The following GCNT2 variants were observed in gnomAD, a reference collection of about 807,000 sequenced individuals.
The protein encoded by GCNT2 is N-acetyllactosaminide beta-1,6-N-acetylglucosaminyl-transferase.
GCNT2 carries 34 observed loss-of-function variants against 34.2 expected under a neutral mutation model. The ratio of observed to expected loss-of-function variants is 1.00; its 90% CI spans 0.76 to 1.32. GCNT2 has a LOEUF of 1.32. Among genes scored for constraint, GCNT2 ranks in the 40% most tolerant of loss-of-function variants. GCNT2 has a pLI of 0.00. For synonymous variants in GCNT2, 212 were observed against 188.0 expected, an observed-to-expected ratio of 1.13 and a Z score of -1.04; for missense variants, 584 against 489.4, an observed-to-expected ratio of 1.19 and a Z score of -1.82.
rs753031752 is a variant in GCNT2, at chr6:10,598,025, CTGTT to C, written c.926-23323_926-23320del. ...AATTTTAACCTTTGTCTGTAGATAACTGTTTGGCCTTGGGCATGTCACTTAACCT... is the reference window on the plus strand; with the variant it reads ...AATTTTAACCTTTGTCTGTAGATAACTGGCCTTGGGCATGTCACTTAACCT... On this transcript the variant is annotated intron_variant, in intron 3 of 4. Coordinates refer to ENST00000495262, the MANE Select transcript of GCNT2 (RefSeq NM_145649.5). Among the ~76,000 whole-genome samples, 28 of 152,294 alleles carry C rather than the reference CTGTT, an allele frequency of 1.8e-4. No individual in the cohort carries two copies. In the East Asian group the frequency reaches 2.5e-3, roughly 14 times the overall value.
intron 3 of GCNT2, among the ~76,000 whole-genome samples, chr6:10,604,263 T>C (rs577881009): frequency 1.3e-5 from 2 of 152,322 alleles, no homozygotes; most frequent in South Asian, 4.1e-4. Flanking sequence ...ATTTGATCTT[T>C]GTTTTTTGTA....
intron 3 of GCNT2, among the ~76,000 whole-genome samples, chr6:10,587,319 A>G (rs967093632): frequency 6.6e-6 from 1 of 152,236 alleles, no homozygotes; most frequent in Non-Finnish European, 1.5e-5. Flanking sequence ...ATGCAGTCTC[A>G]TTGCTCAAAG....
At chr6:10,545,384 T>A (rs1261413819) in intron 3 of GCNT2, among the ~76,000 whole-genome samples, 4 of 152,216 alleles carry the variant, frequency 2.6e-5, no homozygotes, top group Non-Finnish European at 5.9e-5. Context: ...TCAAGCCAGC[T>A]CAAACTTCCT....
At chr6:10,562,048 A>T (rs1763009037) in intron 3 of GCNT2, among the ~76,000 whole-genome samples, 3 of 152,130 alleles carry the variant, frequency 2.0e-5, no homozygotes, top group Non-Finnish European at 4.4e-5. Context: ...CAAGCACCAG[A>T]AGTTACCGGG....
At chr6:10,610,208 C>T (rs1232073766) in intron 3 of GCNT2, among the ~76,000 whole-genome samples, 4 of 152,122 alleles carry the variant, frequency 2.6e-5, no homozygotes, top group African/African-American at 2.4e-5. Context: ...AATCCATTGG[C>T]GACTCCTGTA....
intron 3 of GCNT2, among the ~76,000 whole-genome samples, chr6:10,596,465 G>A (rs1270016656): frequency 6.6e-6 from 1 of 151,942 alleles, no homozygotes; most frequent in East Asian, 1.9e-4. Flanking sequence ...AGGTTGCAGT[G>A]AGCTGAGATT....
chr6:10,570,594 C>T (rs376744203), intron 3 of GCNT2, among the ~76,000 whole-genome samples: 219 of 152,334 alleles, frequency 1.4e-3, no homozygotes, highest in African/African-American at 4.9e-3. Context: ...CTAGCCATCT[C>T]CTTCCTTAGA....
At chr6:10,549,080 G>C (rs1034186806) in intron 3 of GCNT2, among the ~76,000 whole-genome samples, 2 of 152,174 alleles carry the variant, frequency 1.3e-5, no homozygotes, top group Non-Finnish European at 2.9e-5. Flanking sequence ...GGTTGTCAGA[G>C]GTTGAGGGAG....
chr6:10,571,534 G>T (rs1391605785), intron 3 of GCNT2, among the ~76,000 whole-genome samples: 1 of 151,978 alleles, frequency 6.6e-6, no homozygotes, highest in Non-Finnish European at 1.5e-5. Context: ...TGTATTTTTA[G>T]TAGAGATGGG....
At position 10,537,721 on chromosome 6, in the gene GCNT2, A is replaced by C. The variant is rs1243988358; in HGVS notation, c.925+7885A>C. On this transcript the variant is annotated intron_variant, in intron 3 of 4. Transcript: ENST00000495262. ...CGCAAAAAAAAAAAAAAAAAAAAAA[A>C]AAAAACAAAACAAAGAAAACGAAAG... Among the ~76,000 whole-genome samples the C allele has an allele frequency of 5.5e-5, 8 of 146,128 alleles. No homozygotes were observed. In the East Asian group the frequency reaches 1.2e-3, roughly 22 times the overall value.
chr6:10,622,433 C>T (rs1030130851), intron 4 of GCNT2, among the ~76,000 whole-genome samples: 1 of 151,894 alleles, frequency 6.6e-6, no homozygotes, highest in Admixed American at 6.6e-5. Flanking sequence ...ATGGTCTTCC[C>T]TCTGTGCGTG....
At position 10,625,141 on chromosome 6, in the gene GCNT2, C is replaced by T. The variant is rs147441792; in HGVS notation, c.1019-1276C>T. 3.9e-5 allele frequency among the ~76,000 whole-genome samples: 6 copies of T among 152,254 alleles called. No homozygotes were observed. In the East Asian group the frequency reaches 1.2e-3, roughly 29 times the overall value. Reference sequence around the variant, plus strand: ...GAATTAATCACCATGTTCTATCTGTCCTTCTGTACTAGTGTCTTCAACATC... The same window carrying T: ...GAATTAATCACCATGTTCTATCTGTTCTTCTGTACTAGTGTCTTCAACATC... On this transcript the variant is annotated intron_variant, in intron 4 of 4. Transcript: ENST00000495262.
chr6:10,610,858 G>A (rs1040633438), intron 3 of GCNT2, among the ~76,000 whole-genome samples: 2 of 152,088 alleles, frequency 1.3e-5, no homozygotes, highest in South Asian at 4.2e-4. Flanking sequence ...GGTAACGAGG[G>A]GGAGGCATTA....
chr6:10,609,622 G>A (rs529604406), intron 3 of GCNT2, among the ~76,000 whole-genome samples: 1 of 152,322 alleles, frequency 6.6e-6, no homozygotes, highest in African/African-American at 2.4e-5. Flanking sequence ...TGGCCGGAAT[G>A]TGATCTATAG....
chr6:10,620,165 T>G (rs910053923), intron 3 of GCNT2, among the ~76,000 whole-genome samples: 2 of 152,186 alleles, frequency 1.3e-5, no homozygotes, highest in Non-Finnish European at 1.5e-5. Flanking sequence ...ATGTGTGTGT[T>G]TGAGGGAGTG....
At chr6:10,585,710 T>C in intron 3 of GCNT2, 1 of 1,253,592 alleles carries the variant, frequency 8.0e-7, no homozygotes, top group South Asian at 1.7e-5. Context: ...TGGACTGGGC[T>C]GGGCTTAGCT....
intron 3 of GCNT2, among the ~76,000 whole-genome samples, chr6:10,603,954 G>A (rs1055597109): frequency 6.6e-6 from 1 of 150,970 alleles, no homozygotes; most frequent in African/African-American, 2.4e-5. Context: ...GGAGTGCAGT[G>A]GTGCAATCTT....
intron 4 of GCNT2, among the ~76,000 whole-genome samples, chr6:10,624,516 CA>C (rs1455509093): frequency 6.6e-6 from 1 of 152,208 alleles, no homozygotes; most frequent in Non-Finnish European, 1.5e-5. Flanking sequence ...ATCCCTCCCA[CA>C]ACACATGGGA....
chr6:10,590,407 A>G (rs1295079281), intron 3 of GCNT2, among the ~76,000 whole-genome samples: 30 of 151,600 alleles, frequency 2.0e-4, no homozygotes, highest in Admixed American at 2.0e-3. Context: ...CAAAAAAAAA[A>G]AAAAAATGCT....
Sources: allele counts gnomAD v4.1 joint callset (sites outside exome capture counted in the v4.1 genomes callset), GRCh38; gene constraint gnomAD v4.1.1; transcripts MANE v1.5; gene names NCBI Gene and HGNC (gene_info 2026-07-23, HGNC 2026-07-21).